CSMD3: variants seen among roughly 807,000 people sequenced by gnomAD.
CSMD3 encodes CUB and Sushi multiple domains 3.
In CSMD3, 177 loss-of-function variants were observed where a neutral mutation model predicts 435.2. The ratio of observed to expected loss-of-function variants is 0.41; its 90% CI spans 0.36 to 0.46. The LOEUF is 0.46. Among genes scored for constraint, CSMD3 ranks in the 20% least tolerant of loss-of-function variants. The pLI, the probability that CSMD3 is intolerant of heterozygous loss-of-function variation, is 0.34. For missense variants in CSMD3, 4,265 were observed against 4,504.6 expected (o/e 0.95, Z 1.52); for synonymous variants, 1,656 against 1,520.5 (o/e 1.09, Z -2.07).
chr8:113,121,681 T>A (rs1445113946), intron 4 of CSMD3, among the ~76,000 whole-genome samples: 1 of 152,132 alleles, frequency 6.6e-6, no homozygotes, highest in Non-Finnish European at 1.5e-5. Context: ...TCTAAAATTG[T>A]TGGTTAAAAC....
Position 113,316,674 on chromosome 8 carries a change from T to C in CSMD3, c.179-1881A>G, listed in dbSNP as rs1339002963. Among the ~76,000 whole-genome samples, 5 of 151,982 alleles carry C rather than the reference T, an allele frequency of 3.3e-5. No homozygotes were observed. In the East Asian group the frequency reaches 9.7e-4, roughly 29 times the overall value. ...AAGTGATTCTCCTGCCTCAGCCTCC[T>C]GAGTAGCTGGGATTACAGACATACG... On this transcript the variant is annotated intron_variant, in intron 1 of 70. Transcript: ENST00000297405.
At chr8:112,336,612 T>A in intron 44 of CSMD3, 40 bp downstream of exon 44, 1 of 1,415,354 alleles carries the variant, frequency 7.1e-7, no homozygotes, top group South Asian at 1.2e-5. Context: ...TTTTACTGTG[T>A]ATATAATTGA....
intron 9 of CSMD3, among the ~76,000 whole-genome samples, chr8:112,925,109 C>A (rs1037289904): frequency 6.6e-6 from 1 of 152,046 alleles, no homozygotes; most frequent in East Asian, 1.9e-4. Flanking sequence ...TCTCACATCC[C>A]ATATCTCCCT....
At position 112,410,366 on chromosome 8, in the gene CSMD3, C is replaced by T. The variant is rs1038997119; in HGVS notation, c.5396-1334G>A. ...AGTCATGAATACAAATTTATGTTTCCACCTAACCAGACACATGCCGTGAAT... is the reference window on the plus strand; with the variant it reads ...AGTCATGAATACAAATTTATGTTTCTACCTAACCAGACACATGCCGTGAAT... On this transcript the variant is annotated intron_variant, in intron 32 of 70. Transcript: ENST00000297405. 4.0e-5 allele frequency among the ~76,000 whole-genome samples: 6 copies of T among 150,822 alleles called. No homozygotes were observed. The East Asian group carries it at 9.8e-4, about 25-fold the overall frequency.
intron 4 of CSMD3, among the ~76,000 whole-genome samples, chr8:113,163,725 C>T (rs1386562519): frequency 2.6e-5 from 4 of 151,936 alleles, no homozygotes; most frequent in African/African-American, 9.7e-5. Flanking sequence ...TGGGTCAGAA[C>T]TAAATTTAGA....
At chr8:113,292,798 G>C (rs372227240) in intron 2 of CSMD3, among the ~76,000 whole-genome samples, 1 of 151,468 alleles carries the variant, frequency 6.6e-6, no homozygotes, top group African/African-American at 2.4e-5. Context: ...TTTTTTAAAG[G>C]TGAAAACCTC....
chr8:113,055,946 G>T (rs117335973), intron 5 of CSMD3, among the ~76,000 whole-genome samples: 2,085 of 152,284 alleles, frequency 0.014, 17 homozygotes, highest in Non-Finnish European at 0.022. Context: ...TAAAAACTGT[G>T]ACAGTTGGGT....
chr8:112,285,721 T>G lies in CSMD3; in HGVS notation c.9331+1343A>C, dbSNP rs117446409. Among the ~76,000 whole-genome samples, 904 of 152,200 alleles carry G rather than the reference T, an allele frequency of 5.9e-3. 4 individuals carry two copies. The highest frequency in any genetic ancestry group is 0.027 in the Middle Eastern group (8 of 294). On this transcript the variant is annotated intron_variant, in intron 58 of 70. Coordinates refer to ENST00000297405, the MANE Select transcript of CSMD3 (RefSeq NM_198123.2). ...TGTAAAATATTTTTCTTTTTCCTTT[T>G]TATCTTTCTTTTTTTTTAAACAGAG... is the stretch of plus-strand genomic sequence containing the variant.
intron 13 of CSMD3, among the ~76,000 whole-genome samples, chr8:112,739,915 A>C (rs893214499): frequency 6.6e-6 from 1 of 151,880 alleles, no homozygotes. Context: ...GCATATTAAC[A>C]CTAAACTCTC....
chr8:113,248,488 TATATATACAC>T (rs2093301795), intron 3 of CSMD3, among the ~76,000 whole-genome samples: 2 of 137,022 alleles, frequency 1.5e-5, no homozygotes, highest in African/African-American at 5.2e-5. Flanking sequence ...TATATATACA[TATATATACAC>T]ACACACATAT....
chr8:113,395,624 A>G (rs2094480359), intron 1 of CSMD3, among the ~76,000 whole-genome samples: 1 of 152,044 alleles, frequency 6.6e-6, no homozygotes, highest in Non-Finnish European at 1.5e-5. Flanking sequence ...AAAAAAAAAA[A>G]AAATTGGAAA....
At chr8:112,256,724 G>A (rs779644762) in intron 61 of CSMD3, among the ~76,000 whole-genome samples, 6 of 152,102 alleles carry the variant, frequency 3.9e-5, no homozygotes, top group African/African-American at 1.2e-4. Context: ...AAATGTACTC[G>A]ATTTTCAAAT....
chr8:112,390,714 T>A lies in CSMD3; in HGVS notation c.5884A>T (p.Asn1962Tyr), dbSNP rs368386847. ...SPGYPEPYDNNLNCVWKITVP... is the reference protein window; with the variant it reads ...SPGYPEPYDNYLNCVWKITVP... ...GTGATCTTCCACACACAATTCAGAT[T>A]GTTGTCATAAGGCTCAGGGTATCCA... Residue 1962 changes from asparagine to tyrosine, a missense_variant, in exon 36 of 71, where the codon AAT (asparagine) becomes TAT (tyrosine). Physicochemically the swap from Asn to Tyr is moderately radical, Grantham distance 143 (BLOSUM62 -2). Coordinates refer to ENST00000297405, the MANE Select transcript of CSMD3 (RefSeq NM_198123.2). 12 of 1,613,258 alleles carry A rather than the reference T, an allele frequency of 7.4e-6. No individual in the cohort carries two copies. In the African/African-American group the frequency reaches 1.6e-4, roughly 22 times the overall value.
intron 11 of CSMD3, among the ~76,000 whole-genome samples, chr8:112,840,347 T>C (rs1328828638): frequency 1.3e-5 from 2 of 151,802 alleles, no homozygotes; most frequent in East Asian, 3.9e-4. Flanking sequence ...TTCCATTTAT[T>C]TGTGTCCTCT....
intron 10 of CSMD3, among the ~76,000 whole-genome samples, chr8:112,886,004 G>A (rs577622955): frequency 4.9e-4 from 74 of 151,748 alleles, no homozygotes; most frequent in Non-Finnish European, 8.0e-4. Flanking sequence ...TATTTTTAGA[G>A]AAATCACCTC....
chr8:113,329,339 A>G (rs2094009811), intron 1 of CSMD3, among the ~76,000 whole-genome samples: 1 of 152,100 alleles, frequency 6.6e-6, no homozygotes, highest in Admixed American at 6.5e-5. Context: ...TTGAAAAGTT[A>G]AACAATTGAA....
intron 35 of CSMD3, among the ~76,000 whole-genome samples, chr8:112,399,265 A>T (rs1008474936): frequency 3.4e-4 from 50 of 145,376 alleles, no homozygotes; most frequent in Non-Finnish European, 5.7e-4. Flanking sequence ...TTGATTCCAA[A>T]TTTTTTTTTT....
intron 28 of CSMD3, among the ~76,000 whole-genome samples, chr8:112,509,102 T>C (rs1822831604): frequency 6.6e-6 from 1 of 151,820 alleles, no homozygotes; most frequent in Non-Finnish European, 1.5e-5. Context: ...TTTTTTTTTT[T>C]TCGATACAGG....
intron 35 of CSMD3, 115 bp from the exon 36 acceptor site, chr8:112,390,903 C>G (rs1238113099): frequency 1.0e-6 from 1 of 1,004,004 alleles, no homozygotes; most frequent in Non-Finnish European, 1.5e-6. Flanking sequence ...TCAAATCATA[C>G]TTTTTTCAAA....
Sources: gnomAD v4.1 joint callset for allele counts (sites outside exome capture counted in the v4.1 genomes callset) on GRCh38, gnomAD v4.1.1 for gene constraint, MANE v1.5 for transcripts, NCBI Gene and HGNC (gene_info 2026-07-23, HGNC 2026-07-21) for gene names.